Variants in GAS2L3 observed in about 807,000 individuals in gnomAD.
The protein encoded by GAS2L3 is GAS2-like protein 3.
A neutral mutation model predicts 37.0 loss-of-function variants in GAS2L3; 28 were observed. The observed-to-expected ratio is 0.76, with a 90% CI of 0.56 to 1.04. The LOEUF (loss-of-function observed/expected upper bound fraction) is 1.04. Ranked by LOEUF, GAS2L3 falls within the 50% of genes least tolerant of loss-of-function variation. The probability of loss-of-function intolerance (pLI) is 0.00; values close to 1 mark genes in which losing one functional copy is unlikely to be tolerated. For synonymous variants in GAS2L3, 290 were observed against 296.6 expected, an observed-to-expected ratio of 0.98 and a Z score of 0.23; for missense variants, 793 against 817.6, an observed-to-expected ratio of 0.97 and a Z score of 0.37.
intron 5 of GAS2L3, among the ~76,000 whole-genome samples, chr12:100,606,013 A>G (rs995785647): frequency 7.2e-5 from 11 of 151,966 alleles, no homozygotes; most frequent in African/African-American, 2.4e-4. Context: ...CATTTGTTCT[A>G]TAGTGAAGAT....
rs778239063 is a variant in GAS2L3, at chr12:100,612,160, ATTC to A, written c.445+22_445+24del. On this transcript the variant is annotated intron_variant, in intron 6 of 9. Transcript: ENST00000547754. Reference sequence around the variant, plus strand: ...GGTTTAGGTAAGTGATGTTCTTGTCATTCTTGTTTTTAATGCTTACTAGGATGT... The same window carrying A: ...GGTTTAGGTAAGTGATGTTCTTGTCATTGTTTTTAATGCTTACTAGGATGT... 1.2e-6 allele frequency: 2 copies of A among 1,608,532 alleles called. No individual in the cohort carries two copies. Among genetic ancestry groups the A allele is most frequent in the Admixed American group, 3.3e-5 (2 of 59,760 alleles).
At chr12:100,606,003 C>T (rs1242885949) in intron 5 of GAS2L3, among the ~76,000 whole-genome samples, 1 of 151,680 alleles carries the variant, frequency 6.6e-6, no homozygotes, top group African/African-American at 2.4e-5. Context: ...TTATTTGGTC[C>T]ATTTGTTCTA....
In GAS2L3 at chr12:100,624,465, C is replaced by T; in HGVS notation, c.1660C>T (p.Leu554Phe). The T allele has an allele frequency of 1.9e-6, 3 of 1,614,096 alleles. No individual in the cohort carries two copies. The highest frequency in any genetic ancestry group is 1.7e-6 in the Non-Finnish European group (2 of 1,180,028). The change falls in exon 10 of 10, where the codon CTT (leucine) becomes TTT (phenylalanine). Residue 554 changes from leucine to phenylalanine, a missense_variant. By Grantham distance (22) the Leu-to-Phe change is conservative (BLOSUM62 0). Transcript: ENST00000547754. Reference sequence around the variant, plus strand: ...AGCAAAGCCAGTCCCAGCACAGAAACTTAAATCGGCCTTGAATTTAAATCA... The same window carrying T: ...AGCAAAGCCAGTCCCAGCACAGAAATTTAAATCGGCCTTGAATTTAAATCA... Reference protein sequence around the residue: ...PQAKPVPAQKLKSALNLNQPV... With the variant: ...PQAKPVPAQKFKSALNLNQPV...
At chr12:100,581,846 T>A (rs35704) in intron 1 of GAS2L3, among the ~76,000 whole-genome samples, 77,612 of 152,178 alleles carry the variant, frequency 0.51, 20,242 homozygotes, top group South Asian at 0.7. Flanking sequence ...GCTTAATTTT[T>A]AAAAATTGTC....
chr12:100,579,012 A>G (rs1955673754), intron 1 of GAS2L3: 2 of 832,352 alleles, frequency 2.4e-6, no homozygotes, highest in African/African-American at 1.7e-5. Flanking sequence ...CTCAAAGTCT[A>G]TTACTTGCCT....
intron 5 of GAS2L3, among the ~76,000 whole-genome samples, chr12:100,607,016 A>G (rs1223022287): frequency 6.6e-6 from 1 of 152,180 alleles, no homozygotes; most frequent in Admixed American, 6.5e-5. Flanking sequence ...CAAAAGATTT[A>G]TACGATCTGA....
chr12:100,610,919 C>G (rs1956119390), intron 5 of GAS2L3: 1 of 151,200 alleles, frequency 6.6e-6, no homozygotes, highest in Non-Finnish European at 1.5e-5. Flanking sequence ...ATAGTCTCCT[C>G]AAGAAACTCA....
At chr12:100,597,364 TG>T (rs1304649559) in intron 3 of GAS2L3, among the ~76,000 whole-genome samples, 3 of 152,118 alleles carry the variant, frequency 2.0e-5, no homozygotes, top group African/African-American at 7.2e-5. Context: ...GAATACTATG[TG>T]GTAAGCATTA....
At chr12:100,620,514 T>C (rs904966176) in intron 8 of GAS2L3, among the ~76,000 whole-genome samples, 2 of 151,946 alleles carry the variant, frequency 1.3e-5, no homozygotes, top group African/African-American at 2.4e-5. Flanking sequence ...TTTGTACTGC[T>C]CAATATAAGT....
rs550570550 is a variant in GAS2L3, at chr12:100,624,115, C to G, written c.1310C>G (p.Ser437Ter). 1 of 1,613,990 alleles carries G rather than the reference C, an allele frequency of 6.2e-7. No homozygotes were observed. The highest frequency in any genetic ancestry group is 8.5e-7 in the Non-Finnish European group (1 of 1,179,974). Reference protein sequence around the residue: ...CISESPRKCISSPNTPKAKVI... With the variant: ...CISESPRKCI ...TCTGAGTCACCGAGAAAATGTATTT[C>G]ATCCCCCAATACCCCCAAGGCCAAG... is the stretch of plus-strand genomic sequence containing the variant. The change falls in exon 10 of 10, where the codon TCA (serine) becomes TGA (stop). Residue 437 changes from serine (S) to a stop codon, truncating the protein, a stop_gained. Coordinates refer to ENST00000547754, the MANE Select transcript of GAS2L3 (RefSeq NM_174942.3). LOFTEE classifies it low-confidence loss of function (END_TRUNC).
At chr12:100,582,450 C>T (rs1239822964) in intron 1 of GAS2L3, among the ~76,000 whole-genome samples, 2 of 152,194 alleles carry the variant, frequency 1.3e-5, no homozygotes, top group Non-Finnish European at 2.9e-5. Context: ...TTAGCTTGGG[C>T]TCAGAGGCCT....
At chr12:100,575,766 C>T (rs564351353) in intron 1 of GAS2L3, among the ~76,000 whole-genome samples, 2 of 152,076 alleles carry the variant, frequency 1.3e-5, no homozygotes, top group Non-Finnish European at 2.9e-5. Context: ...GCATGAGTCA[C>T]CGCGCCTGGC....
At chr12:100,593,517 T>A (rs553061977) in intron 2 of GAS2L3, 2 of 152,274 alleles carry the variant, frequency 1.3e-5, no homozygotes, top group East Asian at 3.9e-4. Context: ...TGATAGCTTC[T>A]TTGTGAATGT....
chr12:100,579,456 G>C, intron 1 of GAS2L3: 1 of 825,888 alleles, frequency 1.2e-6, no homozygotes. Flanking sequence ...TACAGAAAGG[G>C]AACAAATTTG....
At chr12:100,621,192 T>C (rs1956247538) in intron 8 of GAS2L3, among the ~76,000 whole-genome samples, 1 of 152,110 alleles carries the variant, frequency 6.6e-6, no homozygotes, top group Non-Finnish European at 1.5e-5. Flanking sequence ...TAAGTTTAGT[T>C]ATATGAATTC....
intron 1 of GAS2L3, among the ~76,000 whole-genome samples, chr12:100,582,190 G>T (rs1332484592): frequency 6.6e-6 from 1 of 152,212 alleles, no homozygotes. Flanking sequence ...TTACGTCGAA[G>T]GTGGTTTTTC....
chr12:100,581,595 T>A (rs1442019122), intron 1 of GAS2L3, among the ~76,000 whole-genome samples: 1 of 152,242 alleles, frequency 6.6e-6, no homozygotes, highest in African/African-American at 2.4e-5. Context: ...TATTTGGGTT[T>A]TGTTTGCACT....
intron 5 of GAS2L3, among the ~76,000 whole-genome samples, chr12:100,608,237 A>C (rs1439317563): frequency 6.6e-6 from 1 of 152,042 alleles, no homozygotes; most frequent in African/African-American, 2.4e-5. Flanking sequence ...AAACAAATGG[A>C]GTATCTCCCT....
At chr12:100,591,714 A>G (rs1033850018) in intron 1 of GAS2L3, 22 bp from the exon 2 acceptor site, 2 of 152,110 alleles carry the variant, frequency 1.3e-5, no homozygotes, top group African/African-American at 4.8e-5. Context: ...TAAGAAGGAA[A>G]TGGTCATATT....
Sources: gnomAD v4.1 joint callset for allele counts (sites outside exome capture counted in the v4.1 genomes callset) on GRCh38, gnomAD v4.1.1 for gene constraint, MANE v1.5 for transcripts, NCBI Gene and HGNC (gene_info 2026-07-23, HGNC 2026-07-21) for gene names.